The following TRDN variants were observed in gnomAD, a reference collection of about 807,000 sequenced individuals.
The protein encoded by TRDN is triadin in skeletal muscle.
TRDN carries 161 observed loss-of-function variants against 149.7 expected under a neutral mutation model. The observed-to-expected ratio is 1.08, with a 90% confidence interval of 0.95 to 1.23. The LOEUF (loss-of-function observed/expected upper bound fraction) is 1.23. Ranked by LOEUF, TRDN falls within the 50% of genes most tolerant of loss-of-function variation. The pLI is 0.00. For missense variants in TRDN, 896 were observed against 823.5 expected, an observed-to-expected ratio of 1.09 and a Z score of -1.08; for synonymous variants, 294 against 250.5, an observed-to-expected ratio of 1.17 and a Z score of -1.64.
intron 4 of TRDN, among the ~76,000 whole-genome samples, chr6:123,535,122 G>A (rs552676088): frequency 1.3e-5 from 2 of 152,050 alleles, no homozygotes; most frequent in Admixed American, 1.3e-4. Context: ...AATTCTTAAA[G>A]GTATGAGTTT....
At chr6:123,528,757 G>A (rs997292726) in intron 5 of TRDN, 8 of 989,488 alleles carry the variant, frequency 8.1e-6, no homozygotes, top group East Asian at 1.1e-4. Flanking sequence ...ATTTACAGAC[G>A]GGAAACTAAG....
intron 8 of TRDN, among the ~76,000 whole-genome samples, chr6:123,501,346 A>G (rs1778693382): frequency 6.6e-6 from 1 of 151,270 alleles, no homozygotes; most frequent in East Asian, 1.9e-4. Context: ...CCTCAAACAT[A>G]TTAGGTCTAA....
chr6:123,373,490 G>A (rs1781398408), intron 19 of TRDN, among the ~76,000 whole-genome samples: 1 of 152,116 alleles, frequency 6.6e-6, no homozygotes, highest in Non-Finnish European at 1.5e-5. Flanking sequence ...CTATTCTGAA[G>A]GTGATGTACG....
intron 40 of TRDN, among the ~76,000 whole-genome samples, chr6:123,220,619 C>G (rs1259161190): frequency 6.6e-6 from 1 of 151,742 alleles, no homozygotes; most frequent in Non-Finnish European, 1.5e-5. Context: ...CAAAGAAGTA[C>G]TTGGAACATA....
chr6:123,412,627 A>G (rs2114517537), intron 12 of TRDN, among the ~76,000 whole-genome samples: 1 of 152,266 alleles, frequency 6.6e-6, no homozygotes, highest in Non-Finnish European at 1.5e-5. Context: ...AATGTTCTGT[A>G]AGCAAGATGC....
At chr6:123,234,003 A>G (rs2114527892) in intron 38 of TRDN, among the ~76,000 whole-genome samples, 1 of 152,062 alleles carries the variant, frequency 6.6e-6, no homozygotes, top group South Asian at 2.1e-4. Context: ...ATCTACCCAA[A>G]ATTTCTATGA....
chr6:123,575,775 G>T (rs1326538188), intron 1 of TRDN, among the ~76,000 whole-genome samples: 1 of 151,958 alleles, frequency 6.6e-6, no homozygotes, highest in Non-Finnish European at 1.5e-5. Context: ...AGAAGAATAA[G>T]CCATAAGCCT....
chr6:123,604,262 G>A (rs1228024007), intron 1 of TRDN, among the ~76,000 whole-genome samples: 1 of 152,208 alleles, frequency 6.6e-6, no homozygotes, highest in Non-Finnish European at 1.5e-5. Flanking sequence ...ATACTGTGAG[G>A]AGGACAACTA....
chr6:123,283,398 C>T (rs1777670874), intron 24 of TRDN, among the ~76,000 whole-genome samples: 1 of 151,598 alleles, frequency 6.6e-6, no homozygotes. Flanking sequence ...TAAGGTCACA[C>T]CTCAAGGAAC....
At chr6:123,371,722 T>TGAC (rs1781334853) in intron 19 of TRDN, among the ~76,000 whole-genome samples, 1 of 152,078 alleles carries the variant, frequency 6.6e-6, no homozygotes, top group African/African-American at 2.4e-5. Context: ...CATTTTCAGT[T>TGAC]TGGGGCTGGC....
chr6:123,399,497 G>C (rs148767009), intron 12 of TRDN, among the ~76,000 whole-genome samples: 151 of 152,292 alleles, frequency 9.9e-4, no homozygotes, highest in African/African-American at 3.4e-3. Context: ...ATTAAGGGCA[G>C]ATTACATTTA....
chr6:123,289,168 C>A (rs147417169), intron 24 of TRDN, among the ~76,000 whole-genome samples: 1 of 145,192 alleles, frequency 6.9e-6, no homozygotes, highest in Non-Finnish European at 1.5e-5. Flanking sequence ...TATACACACA[C>A]GTACACACAC....
intron 9 of TRDN, among the ~76,000 whole-genome samples, chr6:123,487,922 C>T (rs1466151021): frequency 6.6e-6 from 1 of 152,100 alleles, no homozygotes; most frequent in Non-Finnish European, 1.5e-5. Flanking sequence ...AATCTTAAAA[C>T]ATTTAGAGTT....
chr6:123,474,713 A>G (rs1777370519), intron 9 of TRDN, among the ~76,000 whole-genome samples: 1 of 152,088 alleles, frequency 6.6e-6, no homozygotes, highest in South Asian at 2.1e-4. Context: ...AACAGAAATT[A>G]TAACAAACTA....
Position 123,614,302 on chromosome 6 carries a change from A to C in TRDN, c.22+22452T>G, listed in dbSNP as rs201480772. Among the ~76,000 whole-genome samples, 432 of 142,548 alleles carry C rather than the reference A, an allele frequency of 3.0e-3. 9 individuals are homozygous for C. In the East Asian group the frequency reaches 0.07, roughly 23 times the overall value. The allele number at this position is 142,548 out of a possible 152,430, so 93.5% of individuals were successfully genotyped here. On this transcript the variant is annotated intron_variant, in intron 1 of 40. Transcript: ENST00000334268. Reference sequence around the variant, plus strand: ...AAGTGCTTCATTAAAAAAAAAAACAAAAAAAAAAAAAACAAAAAAAACCCT... The same window carrying C: ...AAGTGCTTCATTAAAAAAAAAAACACAAAAAAAAAAAACAAAAAAAACCCT...
chr6:123,561,726 T>G (rs4897300), intron 2 of TRDN, among the ~76,000 whole-genome samples: 75,913 of 151,688 alleles, frequency 0.5, 19,732 homozygotes, highest in East Asian at 0.91. Flanking sequence ...GACAAATGTT[T>G]CTTCTAACAA....
At chr6:123,450,572 C>T (rs974142338) in intron 10 of TRDN, among the ~76,000 whole-genome samples, 1 of 152,052 alleles carries the variant, frequency 6.6e-6, no homozygotes, top group East Asian at 1.9e-4. Context: ...ATATATGCAC[C>T]TAACACTGGA....
At chr6:123,312,831 C>A (rs1778877491) in intron 24 of TRDN, among the ~76,000 whole-genome samples, 1 of 151,920 alleles carries the variant, frequency 6.6e-6, no homozygotes, top group Non-Finnish European at 1.5e-5. Flanking sequence ...ATGTCTATGT[C>A]CCTGATTACA....
At chr6:123,333,351 C>A (rs1045362426) in intron 22 of TRDN, among the ~76,000 whole-genome samples, 5 of 151,880 alleles carry the variant, frequency 3.3e-5, no homozygotes, top group African/African-American at 1.2e-4. Context: ...GAATGAGAGC[C>A]CACAGAACTA....
Sources: allele counts gnomAD v4.1 joint callset (sites outside exome capture counted in the v4.1 genomes callset), GRCh38; gene constraint gnomAD v4.1.1; transcripts MANE v1.5; gene names NCBI Gene and HGNC (gene_info 2026-07-23, HGNC 2026-07-21).